The following KCNC2 variants were observed in gnomAD, a reference collection of about 807,000 sequenced individuals.
The protein encoded by KCNC2 is voltage-gated potassium channel KCNC2.
Under a neutral mutation model 44.5 loss-of-function variants are expected in KCNC2, and 21 were observed. That is an observed-to-expected ratio of 0.47 (90% confidence interval 0.33 to 0.68). The LOEUF is 0.68. KCNC2 is among the 30% of genes least tolerant of loss of function. The probability of loss-of-function intolerance (pLI) is 0.01; values close to 1 mark genes in which losing one functional copy is unlikely to be tolerated. For missense variants in KCNC2, 589 were observed against 826.2 expected, an observed-to-expected ratio of 0.71 and a Z score of 3.52; for synonymous variants, 391 against 339.1, an observed-to-expected ratio of 1.15 and a Z score of -1.68.
intron 2 of KCNC2, among the ~76,000 whole-genome samples, chr12:75,155,431 T>C (rs1890689322): frequency 6.6e-6 from 1 of 151,664 alleles, no homozygotes; most frequent in South Asian, 2.1e-4. Flanking sequence ...CAGGAACAAG[T>C]AAGAAGAAAA....
intron 2 of KCNC2, among the ~76,000 whole-genome samples, chr12:75,064,068 A>G (rs971637457): frequency 6.6e-6 from 1 of 152,136 alleles, no homozygotes; most frequent in African/African-American, 2.4e-5. Flanking sequence ...TACAATGAAA[A>G]GATGCTGATT....
At chr12:75,206,922 G>A (rs1209602817) in intron 2 of KCNC2, among the ~76,000 whole-genome samples, 1 of 152,228 alleles carries the variant, frequency 6.6e-6, no homozygotes, top group Non-Finnish European at 1.5e-5. Flanking sequence ...GAGGCCAGAA[G>A]AGAGATCTGA....
Position 75,180,543 on chromosome 12 carries a change from T to C in KCNC2, c.687+26754A>G, listed in dbSNP as rs186586221. ...TTATGATGTATATTGATTTTATTTG[T>C]TTCAATAATCATTTTCTAATATTAA... On this transcript the variant is annotated intron_variant, in intron 2 of 4. Coordinates refer to ENST00000549446, the MANE Select transcript of KCNC2 (RefSeq NM_139137.4). 4.4e-3 allele frequency among the ~76,000 whole-genome samples: 662 copies of C among 152,044 alleles called. 5 individuals are homozygous for C. The highest frequency in any genetic ancestry group is 0.019 in the Middle Eastern group (5 of 258).
chr12:75,084,759 T>C (rs1233709059), intron 2 of KCNC2, among the ~76,000 whole-genome samples: 1 of 151,976 alleles, frequency 6.6e-6, no homozygotes, highest in African/African-American at 2.4e-5. Context: ...GGCCTTTAGA[T>C]AAAGGACTAC....
chr12:75,198,588 T>C (rs2030973586), intron 2 of KCNC2, among the ~76,000 whole-genome samples: 1 of 151,848 alleles, frequency 6.6e-6, no homozygotes, highest in Non-Finnish European at 1.5e-5. Flanking sequence ...AAATACCAAT[T>C]TTACTACTTT....
At chr12:75,189,107 G>A (rs1000383552) in intron 2 of KCNC2, among the ~76,000 whole-genome samples, 23 of 152,166 alleles carry the variant, frequency 1.5e-4, no homozygotes, top group Admixed American at 1.5e-3. Context: ...CCTTCAGCTT[G>A]AAAGTTAGTT....
At position 75,209,825 on chromosome 12, in the gene KCNC2, C is replaced by T. The variant is rs577762329; in HGVS notation, c.-638G>A. 6.6e-6 allele frequency: 1 copy of T among 152,316 alleles called. No homozygotes were observed. The highest frequency in any genetic ancestry group is 1.9e-4 in the East Asian group (1 of 5,152). 9.4% of individuals were successfully genotyped at this position (152,316 alleles called of 1,614,324 possible). ...TCTTCCGTGAAGCTCTGTCTCCACC[C>T]TCTCTGGAGCTTCTGCCTGCCTTAT... On this transcript the variant is annotated 5_prime_UTR_variant, in exon 1 of 5. Transcript: ENST00000549446.
chr12:75,124,528 T>A (rs1888264682), intron 2 of KCNC2, among the ~76,000 whole-genome samples: 1 of 152,146 alleles, frequency 6.6e-6, no homozygotes, highest in Non-Finnish European at 1.5e-5. Context: ...AGATGTATGA[T>A]TCTGCAGAAA....
chr12:75,066,076 A>G (rs1565823290), intron 2 of KCNC2, among the ~76,000 whole-genome samples: 1 of 152,148 alleles, frequency 6.6e-6, no homozygotes, highest in Non-Finnish European at 1.5e-5. Context: ...TTATAGAAGT[A>G]GAATAATTCA....
chr12:75,134,845 CTCTAAAAT>C (rs1211421351), intron 2 of KCNC2, among the ~76,000 whole-genome samples: 1 of 151,726 alleles, frequency 6.6e-6, no homozygotes, highest in East Asian at 1.9e-4. Flanking sequence ...GTTTTAAATG[CTCTAAAAT>C]TCTGATTCAT....
chr12:75,041,064 G>T lies in KCNC2; in HGVS notation c.*2041C>A. On this transcript the variant is annotated 3_prime_UTR_variant, in exon 5 of 5. Transcript: ENST00000549446. ...TAAGCTTTAAGTGCCTCATGAAGAC[G>T]CGAGGATCTCTTCCAAGTGCAACCT... 2.0e-6 allele frequency: 3 copies of T among 1,537,802 alleles called. No homozygotes were observed. Among genetic ancestry groups the T allele is most frequent in the South Asian group, 1.1e-5 (1 of 89,826 alleles).
chr12:75,101,859 A>G (rs1029616977), intron 2 of KCNC2, among the ~76,000 whole-genome samples: 1 of 152,130 alleles, frequency 6.6e-6, no homozygotes, highest in Non-Finnish European at 1.5e-5. Context: ...CTAGAAAATG[A>G]GATTTCATTT....
intron 4 of KCNC2, among the ~76,000 whole-genome samples, chr12:75,046,290 A>G (rs1351066247): frequency 6.6e-6 from 1 of 151,792 alleles, no homozygotes. Flanking sequence ...TAAATATCTT[A>G]TTAATTGCTT....
At chr12:75,144,284 A>G (rs138292920) in intron 2 of KCNC2, among the ~76,000 whole-genome samples, 1,796 of 152,336 alleles carry the variant, frequency 0.012, 17 homozygotes, top group Middle Eastern at 0.031. Context: ...TTCCTTACAT[A>G]TCTTTAAAAT....
chr12:75,203,233 T>C (rs61932909), intron 2 of KCNC2, among the ~76,000 whole-genome samples: 3 of 151,820 alleles, frequency 2.0e-5, no homozygotes, highest in Non-Finnish European at 4.4e-5. Flanking sequence ...ATTTAGATCA[T>C]GTCTTTCTTG....
In KCNC2 at chr12:75,164,566, T is replaced by A. The variant is rs371718053; in HGVS notation, c.687+42731A>T. 1.4e-4 allele frequency among the ~76,000 whole-genome samples: 21 copies of A among 151,858 alleles called. No individual in the cohort carries two copies. The East Asian group carries it at 3.5e-3, about 25-fold the overall frequency. On this transcript the variant is annotated intron_variant, in intron 2 of 4. Transcript: ENST00000549446. The stretch of plus-strand genomic sequence containing the variant: ...TTGGGCACAAGTATCGATCCTCAGC[T>A]GGAGTGCATTCCTCTGGACTAAACT...
intron 2 of KCNC2, among the ~76,000 whole-genome samples, chr12:75,119,309 A>C (rs899265614): frequency 6.6e-6 from 1 of 152,196 alleles, no homozygotes; most frequent in Non-Finnish European, 1.5e-5. Flanking sequence ...TTCAAAATGT[A>C]GGTTTTGTTT....
At chr12:75,123,699 T>C (rs151312964) in intron 2 of KCNC2, among the ~76,000 whole-genome samples, 11 of 152,316 alleles carry the variant, frequency 7.2e-5, no homozygotes, top group African/African-American at 2.6e-4. Context: ...CATCCTACTA[T>C]CTTCTCTTCT....
rs544002089 is a variant in KCNC2, at chr12:75,156,244, G to A, written c.687+51053C>T. 1.2e-4 allele frequency among the ~76,000 whole-genome samples: 18 copies of A among 146,706 alleles called. 1 individual carries two copies. Among genetic ancestry groups the A allele is most frequent in the African/African-American group, 3.6e-4 (14 of 39,190 alleles). On this transcript the variant is annotated intron_variant, in intron 2 of 4. Coordinates refer to ENST00000549446, the MANE Select transcript of KCNC2 (RefSeq NM_139137.4). ...GACTCACGGGCCAAATCTGACTCTC[G>A]AAACATTTTTTTTTTGTACAATTTG...
Sources: gnomAD v4.1 joint callset for allele counts (sites outside exome capture counted in the v4.1 genomes callset) on GRCh38, gnomAD v4.1.1 for gene constraint, MANE v1.5 for transcripts, NCBI Gene and HGNC (gene_info 2026-07-23, HGNC 2026-07-21) for gene names.